MTA3: variants seen among roughly 807,000 people sequenced by gnomAD.
MTA3 encodes metastasis associated 1 family member 3, also known as metastasis-associated protein MTA3.
Under a neutral mutation model 83.5 loss-of-function variants are expected in MTA3, and 34 were observed. The ratio of observed to expected loss-of-function variants is 0.41; its 90% CI spans 0.31 to 0.54. The LOEUF is 0.54. MTA3 is among the 20% of genes least tolerant of loss of function. The probability of loss-of-function intolerance (pLI) is 0.33; values close to 1 mark genes in which losing one functional copy is unlikely to be tolerated. For missense variants in MTA3, 761 were observed against 726.4 expected, an observed-to-expected ratio of 1.05 and a Z score of -0.55; for synonymous variants, 303 against 252.7, an observed-to-expected ratio of 1.20 and a Z score of -1.89.
intron 1 of MTA3, among the ~76,000 whole-genome samples, chr2:42,569,188 T>TGGGGTGGGGGTG (rs550397050): frequency 2.0e-4 from 5 of 24,724 alleles, no homozygotes; most frequent in East Asian, 1.1e-3. Context: ...AGTGGGAGCC[T>TGGGGTGGGGGTG]GGGGTGGGGG....
intron 8 of MTA3, among the ~76,000 whole-genome samples, chr2:42,665,579 G>A (rs1008212172): frequency 2.6e-5 from 4 of 152,152 alleles, no homozygotes; most frequent in African/African-American, 9.7e-5. Flanking sequence ...AGCAAGGTCT[G>A]CACTCCCCTG....
At chr2:42,504,604 A>T (rs1265900685) in intron 2 of MTA3, among the ~76,000 whole-genome samples, 1 of 151,934 alleles carries the variant, frequency 6.6e-6, no homozygotes, top group Non-Finnish European at 1.5e-5. Flanking sequence ...TGTCATACTT[A>T]TGACACCATC....
At chr2:42,549,659 T>C (rs1431582516) in intron 2 of MTA3, among the ~76,000 whole-genome samples, 1 of 127,872 alleles carries the variant, frequency 7.8e-6, no homozygotes, top group Non-Finnish European at 1.6e-5. Context: ...ATATATTATA[T>C]ACATATACAT....
chr2:42,751,155 C>G (rs1669846128), intron 16 of MTA3, among the ~76,000 whole-genome samples: 2 of 152,192 alleles, frequency 1.3e-5, no homozygotes, highest in Admixed American at 6.5e-5. Flanking sequence ...GGCTGGATTG[C>G]TTTCATTGGA....
chr2:42,687,655 G>T (rs1165510874), intron 9 of MTA3, among the ~76,000 whole-genome samples: 1 of 152,194 alleles, frequency 6.6e-6, no homozygotes, highest in Non-Finnish European at 1.5e-5. Context: ...TAACATATCA[G>T]TGTAGCCAGA....
At chr2:42,701,682 G>A (rs181486625) in intron 11 of MTA3, among the ~76,000 whole-genome samples, 151 of 152,286 alleles carry the variant, frequency 9.9e-4, no homozygotes, top group African/African-American at 3.4e-3. Context: ...TTGGGAGGCC[G>A]AGGTGGGTGG....
intron 12 of MTA3, among the ~76,000 whole-genome samples, chr2:42,707,055 C>T (rs1666157869): frequency 6.7e-6 from 1 of 148,480 alleles, no homozygotes; most frequent in Non-Finnish European, 1.5e-5. Context: ...GCCTCAACCT[C>T]CCAGGCTCAA....
Position 42,526,387 on chromosome 2 carries a change from T to C in MTA3, c.-141+31133T>C, listed in dbSNP as rs373181417. Among the ~76,000 whole-genome samples, 25 of 152,250 alleles carry C rather than the reference T, an allele frequency of 1.6e-4. 1 individual carries two copies. Among genetic ancestry groups the C allele is most frequent in the African/African-American group, 5.5e-4 (23 of 41,558 alleles). On this transcript the variant is annotated intron_variant, in intron 2 of 17. Transcript: ENST00000405592. ...ATTGGCCTTCTGGGTGAGGCCAAGA[T>C]TCCTGGCTCTCCCTGTGTCCCACAC...
At chr2:42,707,642 C>T (rs566522157) in intron 12 of MTA3, among the ~76,000 whole-genome samples, 2 of 152,086 alleles carry the variant, frequency 1.3e-5, no homozygotes, top group African/African-American at 4.8e-5. Context: ...ACTCCCTCAG[C>T]AGCACAATGC....
chr2:42,722,454 G>A (rs945105011), intron 15 of MTA3, among the ~76,000 whole-genome samples: 1 of 152,096 alleles, frequency 6.6e-6, no homozygotes, highest in African/African-American at 2.4e-5. Context: ...GAGGAATCCC[G>A]TTTTTCAGAA....
chr2:42,516,170 G>A (rs925054030), intron 2 of MTA3, among the ~76,000 whole-genome samples: 2 of 152,098 alleles, frequency 1.3e-5, no homozygotes, highest in African/African-American at 4.8e-5. Context: ...GCCCGCCTCA[G>A]CCTCCCAAAG....
chr2:42,617,671 G>T (rs546949661), intron 4 of MTA3, among the ~76,000 whole-genome samples: 3 of 152,154 alleles, frequency 2.0e-5, no homozygotes, highest in Non-Finnish European at 4.4e-5. Flanking sequence ...AGCTACTAGG[G>T]AGGCTGAGAC....
intron 2 of MTA3, among the ~76,000 whole-genome samples, chr2:42,513,963 T>G (rs1321792423): frequency 6.6e-6 from 1 of 152,132 alleles, no homozygotes. Context: ...CCTGTAATCC[T>G]AGCACTCTGG....
intron 12 of MTA3, among the ~76,000 whole-genome samples, chr2:42,704,544 GATGTACTCTTGTGGTTTGTTGATTATTTC>G (rs1665899558): frequency 6.6e-6 from 1 of 152,190 alleles, no homozygotes. Context: ...GATTTCCCTT[GATGTACTCTTGTGGTTTGTTGATTATTTC>G]ATAGCAGTGT....
At chr2:42,600,555 G>A (rs992576533) in intron 3 of MTA3, among the ~76,000 whole-genome samples, 1 of 134,746 alleles carries the variant, frequency 7.4e-6, no homozygotes. Context: ...TCTTTGTTTT[G>A]TTTTGAGACC....
At chr2:42,584,311 C>T (rs1558459894) in intron 3 of MTA3, among the ~76,000 whole-genome samples, 1 of 152,088 alleles carries the variant, frequency 6.6e-6, no homozygotes, top group Non-Finnish European at 1.5e-5. Flanking sequence ...TATTTTGAAG[C>T]ACGTCAAAGA....
chr2:42,609,837 G>A (rs1371096135), intron 4 of MTA3, among the ~76,000 whole-genome samples: 1 of 152,172 alleles, frequency 6.6e-6, no homozygotes, highest in African/African-American at 2.4e-5. Context: ...AGTGGCTCAC[G>A]CCTGTAATTC....
At chr2:42,548,462 T>A (rs1462983055) in intron 2 of MTA3, among the ~76,000 whole-genome samples, 1 of 151,490 alleles carries the variant, frequency 6.6e-6, no homozygotes, top group African/African-American at 2.4e-5. Flanking sequence ...CAAGACTCCG[T>A]CTCAAAATAT....
At chr2:42,494,562 A>AT (rs1406679096), upstream of MTA3, 1 of 152,150 alleles carries the variant, frequency 6.6e-6, no homozygotes, top group Non-Finnish European at 1.5e-5. Flanking sequence ...TACACGCCCC[A>AT]TCCCCCAGCC....
Sources: gnomAD v4.1 joint callset for allele counts (sites outside exome capture counted in the v4.1 genomes callset) on GRCh38, gnomAD v4.1.1 for gene constraint, MANE v1.5 for transcripts, NCBI Gene and HGNC (gene_info 2026-07-23, HGNC 2026-07-21) for gene names.